The following PIEZO2 variants were observed in gnomAD, a reference collection of about 807,000 sequenced individuals.
The protein encoded by PIEZO2 is piezo-type mechanosensitive ion channel component 2.
A neutral mutation model predicts 337.3 loss-of-function variants in PIEZO2; 172 were observed. That is an observed-to-expected ratio of 0.51 (90% confidence interval 0.45 to 0.58). The LOEUF (loss-of-function observed/expected upper bound fraction) is 0.58. PIEZO2 is among the 20% of genes least tolerant of loss of function. The pLI is 0.00. For missense variants in PIEZO2, 3,028 were observed against 3,391.3 expected (o/e 0.89, Z 2.66); for synonymous variants, 1,251 against 1,228.5 (o/e 1.02, Z -0.38).
intron 2 of PIEZO2, among the ~76,000 whole-genome samples, chr18:11,060,563 G>A (rs2037910614): frequency 6.6e-6 from 1 of 152,106 alleles, no homozygotes; most frequent in African/African-American, 2.4e-5. Context: ...AATAAAAAAT[G>A]ACAAAGGGGA....
chr18:10,948,024 A>G (rs2033113953), intron 3 of PIEZO2, among the ~76,000 whole-genome samples: 1 of 152,148 alleles, frequency 6.6e-6, no homozygotes, highest in Non-Finnish European at 1.5e-5. Context: ...GAAAGAAAAG[A>G]ACAGATAGTG....
chr18:11,093,231 T>G (rs12962944), intron 1 of PIEZO2, among the ~76,000 whole-genome samples: 53,707 of 152,102 alleles, frequency 0.35, 11,716 homozygotes, highest in Non-Finnish European at 0.49. Flanking sequence ...AGCCAGCCAT[T>G]TGCGGGAGTG....
chr18:10,951,366 T>C (rs1001672636), intron 3 of PIEZO2, among the ~76,000 whole-genome samples: 9 of 152,246 alleles, frequency 5.9e-5, no homozygotes, highest in African/African-American at 2.2e-4. Context: ...GACGATTAAG[T>C]TGAGGGATTC....
In PIEZO2 at chr18:11,101,235, A is replaced by G. The variant is rs2039410699; in HGVS notation, c.65-35013T>C. Among the ~76,000 whole-genome samples the G allele has an allele frequency of 6.6e-6, 1 of 152,178 alleles. No individual in the cohort carries two copies. Among genetic ancestry groups the G allele is most frequent in the Non-Finnish European group, 1.5e-5 (1 of 68,034 alleles). Reference sequence around the variant, plus strand: ...CCCTTTACTGACCTCCCTAATCCTCAAGAACACTCCTTCCGACTTCCAAAC... The same window carrying G: ...CCCTTTACTGACCTCCCTAATCCTCGAGAACACTCCTTCCGACTTCCAAAC... On this transcript the variant is annotated intron_variant, in intron 1 of 55. Coordinates refer to ENST00000674853, the MANE Select transcript of PIEZO2 (RefSeq NM_001378183.1). This position sits in a 1 kb window ranked among gnomAD's most constrained non-coding sequence, Gnocchi z 4.4.
At chr18:10,808,475 C>G (rs2040070028) in intron 7 of PIEZO2, among the ~76,000 whole-genome samples, 1 of 152,150 alleles carries the variant, frequency 6.6e-6, no homozygotes, top group African/African-American at 2.4e-5. Flanking sequence ...GCATGCCTTC[C>G]ACTTGTAAAA....
intron 32 of PIEZO2, among the ~76,000 whole-genome samples, chr18:10,741,925 G>A (rs1273066781): frequency 5.9e-5 from 9 of 152,178 alleles, no homozygotes; most frequent in African/African-American, 2.2e-4. Flanking sequence ...AGGCCGAGGT[G>A]GGCGGATCAC....
At chr18:10,990,025 G>A (rs2035030688) in intron 2 of PIEZO2, among the ~76,000 whole-genome samples, 1 of 152,080 alleles carries the variant, frequency 6.6e-6, no homozygotes, top group South Asian at 2.1e-4. Context: ...GTAGGAGCAG[G>A]GAATTGGAGA....
Position 10,759,395 on chromosome 18 carries a change from A to T in PIEZO2, c.3757+87T>A, listed in dbSNP as rs2038024844. ...ATGATTACGAAGTCTAGTGGAAGAC[A>T]AAAGGCACTAATGCATAGCACGTGA... On this transcript the variant is annotated intron_variant, in intron 26 of 55. Transcript: ENST00000674853. The surrounding 1 kb of genome is among the most constrained non-coding windows in gnomAD (Gnocchi z 5.5). 7.0e-6 allele frequency: 8 copies of T among 1,137,372 alleles called. No individual in the cohort carries two copies. The highest frequency in any genetic ancestry group is 2.1e-5 in the Admixed American group (1 of 47,558). 70.5% of individuals were successfully genotyped at this position (1,137,372 alleles called of 1,614,324 possible). A position where few individuals can be genotyped will look rare whatever the true frequency, so the allele number is the denominator to read the frequency against.
intron 36 of PIEZO2, chr18:10,725,316 T>G (rs2036488736): frequency 6.3e-7 from 1 of 1,592,964 alleles, no homozygotes; most frequent in Non-Finnish European, 8.6e-7. Flanking sequence ...GAAGGAGGGC[T>G]GCGTCGAAGA....
At chr18:11,118,468 C>T (rs928389570) in intron 1 of PIEZO2, among the ~76,000 whole-genome samples, 2 of 152,178 alleles carry the variant, frequency 1.3e-5, no homozygotes, top group African/African-American at 4.8e-5. Flanking sequence ...AGCATCAGAA[C>T]ATTATAGAAA....
chr18:10,805,638 C>CA (rs1365258963), intron 8 of PIEZO2, among the ~76,000 whole-genome samples: 2 of 152,186 alleles, frequency 1.3e-5, no homozygotes, highest in African/African-American at 2.4e-5. Flanking sequence ...CTGGCACAGT[C>CA]AAATTTTAGA....
rs913205207 is a variant in PIEZO2 at position 10,899,508 on chromosome 18, C to A, written c.329+11678G>T. On this transcript the variant is annotated intron_variant, in intron 4 of 55. Coordinates refer to ENST00000674853, the MANE Select transcript of PIEZO2 (RefSeq NM_001378183.1). The surrounding 1 kb of genome is among the most constrained non-coding windows in gnomAD (Gnocchi z 4.6). ...GGCTGAGCTTCCTCAGCATAAAATGCCTATGGAAAAGGCATTTTATGGTGG... is the reference window on the plus strand; with the variant it reads ...GGCTGAGCTTCCTCAGCATAAAATGACTATGGAAAAGGCATTTTATGGTGG... Among the ~76,000 whole-genome samples the A allele has an allele frequency of 5.3e-5, 8 of 152,052 alleles. 1 individual carries two copies. In the South Asian group the frequency reaches 8.3e-4, roughly 16 times the overall value.
Position 10,784,317 on chromosome 18 carries a change from G to A in PIEZO2, c.2492+467C>T, listed in dbSNP as rs1431090880. Reference sequence around the variant, plus strand: ...ATATGATTGTAGTTACTAGTCAATTGCAGATTCTGTTTTTTCAGCCAAAGT... The same window carrying A: ...ATATGATTGTAGTTACTAGTCAATTACAGATTCTGTTTTTTCAGCCAAAGT... On this transcript the variant is annotated intron_variant, in intron 17 of 55. Transcript: ENST00000674853. This position sits in a 1 kb window ranked among gnomAD's most constrained non-coding sequence, Gnocchi z 4.5. Among the ~76,000 whole-genome samples, 3 of 152,212 alleles carry A rather than the reference G, an allele frequency of 2.0e-5. No homozygotes were observed. The highest frequency in any genetic ancestry group is 4.4e-5 in the Non-Finnish European group (3 of 68,046).
chr18:10,866,957 G>C (rs1802810348), intron 5 of PIEZO2, among the ~76,000 whole-genome samples: 1 of 152,144 alleles, frequency 6.6e-6, no homozygotes, highest in Admixed American at 6.5e-5. Flanking sequence ...AGGAAGTTTT[G>C]CCCAGTTTCT....
At chr18:11,142,114 A>G (rs2146286289) in intron 1 of PIEZO2, among the ~76,000 whole-genome samples, 1 of 152,334 alleles carries the variant, frequency 6.6e-6, no homozygotes, top group African/African-American at 2.4e-5. Flanking sequence ...AAACATCACC[A>G]TCCTATATGA....
At chr18:10,806,472 A>T (rs1289066636) in intron 8 of PIEZO2, among the ~76,000 whole-genome samples, 1 of 152,102 alleles carries the variant, frequency 6.6e-6, no homozygotes, top group East Asian at 1.9e-4. Context: ...TCATATTTTC[A>T]TAGGGAATAA....
At position 11,077,884 on chromosome 18, in the gene PIEZO2, G is replaced by A. The variant is rs921466072; in HGVS notation, c.65-11662C>T. 1.2e-4 allele frequency among the ~76,000 whole-genome samples: 18 copies of A among 152,082 alleles called. No individual in the cohort carries two copies. The highest frequency in any genetic ancestry group is 2.4e-4 in the Non-Finnish European group (16 of 68,030). ...TGTCATTTTTCATTTTCACAAACAA[G>A]AGAAATCAGTTTCAATCTTATTCAG... On this transcript the variant is annotated intron_variant, in intron 1 of 55. Coordinates refer to ENST00000674853, the MANE Select transcript of PIEZO2 (RefSeq NM_001378183.1). The surrounding 1 kb of genome is among the most constrained non-coding windows in gnomAD (Gnocchi z 4.8).
intron 2 of PIEZO2, among the ~76,000 whole-genome samples, chr18:11,024,551 A>AG (rs1253709885): frequency 5.3e-5 from 8 of 150,274 alleles, no homozygotes; most frequent in African/African-American, 1.9e-4. Flanking sequence ...GTCTCAGAAA[A>AG]AAAAAAAAAA....
At chr18:10,997,179 T>C (rs1008875904) in intron 2 of PIEZO2, among the ~76,000 whole-genome samples, 2 of 151,456 alleles carry the variant, frequency 1.3e-5, no homozygotes, top group East Asian at 1.9e-4. Flanking sequence ...TGAACTGACA[T>C]TGGAACCACT....
Sources: gnomAD v4.1 joint callset for allele counts (sites outside exome capture counted in the v4.1 genomes callset) on GRCh38, gnomAD v4.1.1 for gene constraint, Gnocchi (gnomAD v3.1) non-coding constraint, MANE v1.5 for transcripts, NCBI Gene and HGNC (gene_info 2026-07-23, HGNC 2026-07-21) for gene names.